ADAMTS17: variants seen among roughly 807,000 people sequenced by gnomAD.
ADAMTS17 encodes the protein A disintegrin and metalloproteinase with thrombospondin motifs 17.
A neutral mutation model predicts 141.5 loss-of-function variants in ADAMTS17; 113 were observed. The ratio of observed to expected loss-of-function variants is 0.80; its 90% CI spans 0.69 to 0.93. ADAMTS17 has a LOEUF of 0.93. Among genes scored for constraint, ADAMTS17 ranks in the 40% least tolerant of loss-of-function variants. The probability of loss-of-function intolerance (pLI) is 0.00; values close to 1 mark genes in which losing one functional copy is unlikely to be tolerated. For synonymous variants in ADAMTS17, 768 were observed against 630.6 expected (o/e 1.22, Z -3.27); for missense variants, 1,659 against 1,517.9 (o/e 1.09, Z -1.54).
In ADAMTS17 at chr15:100,244,811, C is replaced by T. The variant is rs1252771278; in HGVS notation, c.1075+9325G>A. The stretch of plus-strand genomic sequence containing the variant: ...GCTCTCCTTGCCTCTCCTGCACCGC[C>T]GAGTGCAGGCTGTTTATGAACAGGC... On this transcript the variant is annotated intron_variant, in intron 7 of 21. Coordinates refer to ENST00000268070, the MANE Select transcript of ADAMTS17 (RefSeq NM_139057.4). 7.2e-5 allele frequency among the ~76,000 whole-genome samples: 11 copies of T among 152,126 alleles called. 1 individual carries two copies. Among genetic ancestry groups the T allele is most frequent in the Admixed American group, 6.5e-4 (10 of 15,288 alleles).
chr15:100,020,545 A>C (rs2141442779), intron 18 of ADAMTS17, among the ~76,000 whole-genome samples: 1 of 152,274 alleles, frequency 6.6e-6, no homozygotes, highest in East Asian at 1.9e-4. Context: ...ACTCCCCCAG[A>C]GCCATCAGGA....
chr15:100,090,765 T>C (rs1254422357), intron 15 of ADAMTS17, among the ~76,000 whole-genome samples: 2 of 152,026 alleles, frequency 1.3e-5, no homozygotes, highest in Non-Finnish European at 2.9e-5. Context: ...TCCAGCACTT[T>C]GGGAGGCTGA....
At chr15:100,054,903 G>T (rs763673245) in intron 15 of ADAMTS17, among the ~76,000 whole-genome samples, 3 of 152,168 alleles carry the variant, frequency 2.0e-5, no homozygotes, top group Non-Finnish European at 2.9e-5. Flanking sequence ...CGCTCACCAG[G>T]ATTTTTCTTG....
intron 8 of ADAMTS17, among the ~76,000 whole-genome samples, chr15:100,169,741 A>C (rs995127510): frequency 7.2e-5 from 11 of 152,232 alleles, no homozygotes; most frequent in Admixed American, 6.5e-5. Context: ...CGAAACCAGC[A>C]GGAAAATCCC....
At chr15:100,283,097 T>A (rs2044337632) in intron 3 of ADAMTS17, among the ~76,000 whole-genome samples, 1 of 152,192 alleles carries the variant, frequency 6.6e-6, no homozygotes, top group Non-Finnish European at 1.5e-5. Flanking sequence ...AGGCATCACT[T>A]TTAAACTCTA....
intron 2 of ADAMTS17, among the ~76,000 whole-genome samples, chr15:100,335,375 G>A (rs2046177600): frequency 1.3e-5 from 2 of 152,104 alleles, no homozygotes; most frequent in Non-Finnish European, 1.5e-5. Context: ...AGGACAATGG[G>A]GCCTCGGTGA....
intron 15 of ADAMTS17, among the ~76,000 whole-genome samples, chr15:100,072,319 T>C (rs1009512287): frequency 1.3e-5 from 2 of 148,540 alleles, no homozygotes; most frequent in African/African-American, 5.0e-5. Flanking sequence ...ATCATGAAAA[T>C]GGCCATACTG....
At chr15:100,265,678 C>A (rs75954326) in intron 4 of ADAMTS17, among the ~76,000 whole-genome samples, 2,976 of 152,246 alleles carry the variant, frequency 0.02, 99 homozygotes, top group African/African-American at 0.068. Context: ...GCACCACCTA[C>A]CTGTGTGACC....
At chr15:100,158,931 C>T (rs372184437) in intron 8 of ADAMTS17, among the ~76,000 whole-genome samples, 12 of 152,288 alleles carry the variant, frequency 7.9e-5, no homozygotes, top group East Asian at 7.7e-4. Context: ...TACCACCTTA[C>T]ACCTCTCATG....
chr15:100,242,212 T>C (rs1054184523), intron 7 of ADAMTS17, among the ~76,000 whole-genome samples: 2 of 152,190 alleles, frequency 1.3e-5, no homozygotes, highest in South Asian at 4.1e-4. Context: ...AGTGCTGCAA[T>C]GGCTTCGGCA....
At chr15:100,326,769 C>T (rs1366744062) in intron 3 of ADAMTS17, among the ~76,000 whole-genome samples, 2 of 152,138 alleles carry the variant, frequency 1.3e-5, no homozygotes, top group African/African-American at 4.8e-5. Context: ...CTTCAAATCC[C>T]AATTAAACAG....
In ADAMTS17 at chr15:99,976,935, T is replaced by C. The variant is rs918225492; in HGVS notation, c.2950-713A>G. On this transcript the variant is annotated intron_variant, in intron 20 of 21. Transcript: ENST00000268070. ...GCCTCTGCTCCAGGCTCTGACGTTTTTGAGATGGTGAGCAGCATGGCTTGG... is the reference window on the plus strand; with the variant it reads ...GCCTCTGCTCCAGGCTCTGACGTTTCTGAGATGGTGAGCAGCATGGCTTGG... 3.9e-5 allele frequency among the ~76,000 whole-genome samples: 6 copies of C among 152,110 alleles called. No homozygotes were observed. The South Asian group carries it at 1.0e-3, about 26-fold the overall frequency.
intron 7 of ADAMTS17, among the ~76,000 whole-genome samples, chr15:100,232,261 G>C (rs35031388): frequency 5.9e-5 from 9 of 152,144 alleles, no homozygotes; most frequent in African/African-American, 9.7e-5. Flanking sequence ...CAATCCACCC[G>C]GGCAGGACAC....
intron 12 of ADAMTS17, among the ~76,000 whole-genome samples, chr15:100,124,776 C>T (rs868126617): frequency 4.6e-5 from 6 of 130,980 alleles, no homozygotes; most frequent in Non-Finnish European, 8.7e-5. Flanking sequence ...AAACCGAAAG[C>T]GTGGAGAGAA....
intron 8 of ADAMTS17, among the ~76,000 whole-genome samples, chr15:100,185,740 C>T (rs901073474): frequency 6.6e-6 from 1 of 152,192 alleles, no homozygotes; most frequent in African/African-American, 2.4e-5. Flanking sequence ...CTGCACACCT[C>T]GTCCACATAA....
At chr15:100,133,389 T>G in intron 10 of ADAMTS17, 74 bp from the exon 11 acceptor site, 1 of 1,434,988 alleles carries the variant, frequency 7.0e-7, no homozygotes, top group South Asian at 1.2e-5. Context: ...GTCAGAGGTG[T>G]GGCCCAACCA....
At chr15:100,035,743 G>A (rs2030642040) in intron 18 of ADAMTS17, among the ~76,000 whole-genome samples, 1 of 151,984 alleles carries the variant, frequency 6.6e-6, no homozygotes, top group Non-Finnish European at 1.5e-5. Flanking sequence ...TTTTCATCTT[G>A]TCCAGTACTA....
intron 18 of ADAMTS17, among the ~76,000 whole-genome samples, chr15:100,024,493 G>T (rs1486253761): frequency 6.6e-6 from 1 of 152,142 alleles, no homozygotes; most frequent in African/African-American, 2.4e-5. Flanking sequence ...TTTCCACAGG[G>T]TACAAATGGA....
chr15:100,035,947 G>A (rs1030122212), intron 18 of ADAMTS17, among the ~76,000 whole-genome samples: 2 of 152,186 alleles, frequency 1.3e-5, no homozygotes, highest in African/African-American at 2.4e-5. Flanking sequence ...CAGAGACATA[G>A]GGGGTCCCGT....
Sources: gnomAD v4.1 joint callset for allele counts (sites outside exome capture counted in the v4.1 genomes callset) on GRCh38, gnomAD v4.1.1 for gene constraint, MANE v1.5 for transcripts, NCBI Gene and HGNC (gene_info 2026-07-23, HGNC 2026-07-21) for gene names.